The following LRRC8D variants were observed in gnomAD, a reference collection of about 807,000 sequenced individuals.
LRRC8D encodes the protein volume-regulated anion channel subunit LRRC8D.
Under a neutral mutation model 55.8 loss-of-function variants are expected in LRRC8D, and 20 were observed. That is an observed-to-expected ratio of 0.36 (90% confidence interval 0.25 to 0.52). The LOEUF (loss-of-function observed/expected upper bound fraction) is 0.52. Ranked by LOEUF, LRRC8D falls within the 20% of genes least tolerant of loss-of-function variation. The probability of loss-of-function intolerance (pLI) is 0.93; values close to 1 mark genes in which losing one functional copy is unlikely to be tolerated. For missense variants in LRRC8D, 651 were observed against 1,030.8 expected, an observed-to-expected ratio of 0.63 and a Z score of 5.05; for synonymous variants, 352 against 377.0, an observed-to-expected ratio of 0.93 and a Z score of 0.77.
At position 89,828,663 on chromosome 1, in the gene LRRC8D, T is replaced by G. The variant is rs72714293; in HGVS notation, c.-148+7372T>G. 9.3e-3 allele frequency among the ~76,000 whole-genome samples: 1,421 copies of G among 152,178 alleles called. 14 individuals are homozygous for G. Among genetic ancestry groups the G allele is most frequent in the Middle Eastern group, 0.027 (8 of 294 alleles). On this transcript the variant is annotated intron_variant, in intron 1 of 2. Coordinates refer to ENST00000337338, the MANE Select transcript of LRRC8D (RefSeq NM_001134479.2). ...TCTGGGAACTACCACTCCTCTGAGG[T>G]TTTCAAGATGTCTGTGTCTACCCCT... is the stretch of plus-strand genomic sequence containing the variant.
chr1:89,859,623 G>C (rs1661649158), intron 2 of LRRC8D, among the ~76,000 whole-genome samples: 1 of 152,176 alleles, frequency 6.6e-6, no homozygotes, highest in Non-Finnish European at 1.5e-5. Context: ...AAGTATAATA[G>C]GTGATCTTTG....
intron 2 of LRRC8D, among the ~76,000 whole-genome samples, chr1:89,925,353 T>G (rs145497553): frequency 2.4e-4 from 36 of 152,312 alleles, no homozygotes; most frequent in African/African-American, 8.7e-4. Context: ...GTATAATTAT[T>G]TCATTATATA....
At chr1:89,872,908 G>T (rs541589986) in intron 2 of LRRC8D, among the ~76,000 whole-genome samples, 23 of 152,300 alleles carry the variant, frequency 1.5e-4, no homozygotes, top group African/African-American at 5.3e-4. Context: ...CACATGTTTA[G>T]GATAGGATTA....
intron 2 of LRRC8D, among the ~76,000 whole-genome samples, chr1:89,866,914 G>A (rs1179758292): frequency 6.6e-6 from 1 of 151,948 alleles, no homozygotes; most frequent in Admixed American, 6.6e-5. Context: ...AGGAAAAATC[G>A]GTGTGATGTC....
At chr1:89,833,006 A>C (rs1476211464) in intron 1 of LRRC8D, among the ~76,000 whole-genome samples, 1 of 152,200 alleles carries the variant, frequency 6.6e-6, no homozygotes, top group Non-Finnish European at 1.5e-5. Flanking sequence ...TGAGCAGCCA[A>C]GGTCATTACA....
chr1:89,931,537 G>A (rs1341766269), intron 2 of LRRC8D, among the ~76,000 whole-genome samples: 1 of 152,102 alleles, frequency 6.6e-6, no homozygotes, highest in Admixed American at 6.5e-5. Flanking sequence ...AAGGTGGGCA[G>A]ATCACAAGGT....
chr1:89,890,589 T>C (rs990228595), intron 2 of LRRC8D, among the ~76,000 whole-genome samples: 2 of 152,200 alleles, frequency 1.3e-5, no homozygotes, highest in African/African-American at 2.4e-5. Context: ...ATGTTTTTGA[T>C]TTTTGATTTT....
At position 89,933,704 on chromosome 1, in the gene LRRC8D, G is replaced by A. The variant is rs187244675; in HGVS notation, c.636G>A (p.Ala212=). Residue 212 remains alanine, a synonymous_variant, in exon 3 of 3, where the codon GCG becomes GCA. Coordinates refer to ENST00000337338, the MANE Select transcript of LRRC8D (RefSeq NM_001134479.2). This position sits in a 1 kb window ranked among gnomAD's most constrained non-coding sequence, Gnocchi z 7.0. ...TTGAATCCCCTTGGACGACAAAAGCGTTGTCTGAGACAGCATGCGAAGACT... is the reference window on the plus strand; with the variant it reads ...TTGAATCCCCTTGGACGACAAAAGCATTGTCTGAGACAGCATGCGAAGACT... The part of the protein sequence containing the change: ...KCFESPWTTK[A]LSETACEDSE... 220 of 1,614,102 alleles carry A rather than the reference G, an allele frequency of 1.4e-4. No homozygotes were observed. Among genetic ancestry groups the A allele is most frequent in the Non-Finnish European group, 1.7e-4 (202 of 1,180,030 alleles).
chr1:89,851,087 T>C (rs1041175477), intron 2 of LRRC8D, among the ~76,000 whole-genome samples: 2 of 151,982 alleles, frequency 1.3e-5, no homozygotes, highest in South Asian at 2.1e-4. Context: ...TTTTTGTCTT[T>C]TCTTTTCTTC....
chr1:89,913,090 G>A (rs948229950), intron 2 of LRRC8D, among the ~76,000 whole-genome samples: 2 of 152,142 alleles, frequency 1.3e-5, no homozygotes, highest in East Asian at 1.9e-4. Flanking sequence ...TTTCTAGCCC[G>A]CAGGAAAAAA....
intron 1 of LRRC8D, among the ~76,000 whole-genome samples, chr1:89,834,351 T>C (rs1660956311): frequency 6.6e-6 from 1 of 152,194 alleles, no homozygotes; most frequent in African/African-American, 2.4e-5. Context: ...ATCATGTTAG[T>C]GCATTTCAGG....
intron 1 of LRRC8D, among the ~76,000 whole-genome samples, chr1:89,826,503 C>T (rs1319530172): frequency 6.6e-6 from 1 of 152,258 alleles, no homozygotes; most frequent in East Asian, 1.9e-4. Flanking sequence ...CCGCCCGCCT[C>T]GGCCTCCCAA....
intron 2 of LRRC8D, among the ~76,000 whole-genome samples, chr1:89,859,013 A>G (rs1661630370): frequency 6.6e-6 from 1 of 152,250 alleles, no homozygotes. Context: ...CTACAATTGA[A>G]CACAAAATAT....
intron 2 of LRRC8D, among the ~76,000 whole-genome samples, chr1:89,860,785 A>AAATATATATATATATATAT (rs1553123917): frequency 3.5e-5 from 1 of 28,182 alleles, no homozygotes; most frequent in African/African-American, 1.0e-4. Context: ...AAAAAAAAAA[A>AAATATATATATATATATAT]ATATATATAT....
intron 2 of LRRC8D, among the ~76,000 whole-genome samples, chr1:89,846,357 T>A (rs959998194): frequency 2.8e-4 from 42 of 152,122 alleles, no homozygotes; most frequent in Non-Finnish European, 7.4e-5. Context: ...TAAACTCTTC[T>A]TGCTCCTTTC....
chr1:89,931,642 C>G (rs1410268247), intron 2 of LRRC8D, among the ~76,000 whole-genome samples: 1 of 152,048 alleles, frequency 6.6e-6, no homozygotes, highest in Non-Finnish European at 1.5e-5. Flanking sequence ...GCCTGTAGTC[C>G]CAGCTACTCG....
At chr1:89,829,134 C>T (rs540031138) in intron 1 of LRRC8D, among the ~76,000 whole-genome samples, 1 of 152,344 alleles carries the variant, frequency 6.6e-6, no homozygotes, top group South Asian at 2.1e-4. Context: ...CTTGCAATGG[C>T]ACTCTACTGA....
chr1:89,932,308 C>T (rs1487491292), intron 2 of LRRC8D, among the ~76,000 whole-genome samples: 1 of 152,134 alleles, frequency 6.6e-6, no homozygotes, highest in Non-Finnish European at 1.5e-5. Context: ...GCTGTCTTCT[C>T]AATCCACATG....
chr1:89,881,121 C>T (rs780575170), intron 2 of LRRC8D, among the ~76,000 whole-genome samples: 2 of 152,110 alleles, frequency 1.3e-5, no homozygotes, highest in Non-Finnish European at 2.9e-5. Context: ...TTTTACTGGC[C>T]TATCTCATTT....
Sources: gnomAD v4.1 joint callset for allele counts (sites outside exome capture counted in the v4.1 genomes callset) on GRCh38, gnomAD v4.1.1 for gene constraint, Gnocchi (gnomAD v3.1) non-coding constraint, MANE v1.5 for transcripts, NCBI Gene and HGNC (gene_info 2026-07-23, HGNC 2026-07-21) for gene names.